Variants in MUC7 observed in about 807,000 individuals in gnomAD.
The protein encoded by MUC7 is mucin 7, secreted, also known as mucin-7.
MUC7 carries 2 observed loss-of-function variants against 2.5 expected under a neutral mutation model. The observed-to-expected ratio is 0.81, with a 90% CI of 0.33 to 2.55. The LOEUF (loss-of-function observed/expected upper bound fraction) is 2.55, where lower values mean the gene tolerates loss of function less well. MUC7 is among the 30% of genes most tolerant of loss of function. MUC7 has a pLI of 0.11. For synonymous variants in MUC7, 133 were observed against 173.4 expected (o/e 0.77, Z 1.83); for missense variants, 408 against 455.6 (o/e 0.90, Z 0.95).
At chr4:70,462,371 A>G (rs1734577212) in intron 1 of MUC7, among the ~76,000 whole-genome samples, 1 of 152,214 alleles carries the variant, frequency 6.6e-6, no homozygotes, top group Admixed American at 6.5e-5. Context: ...TTATTAAGAA[A>G]ATTTCAATGT....
chr4:70,447,614 A>C (rs1734177837), intron 1 of MUC7, among the ~76,000 whole-genome samples: 1 of 152,132 alleles, frequency 6.6e-6, no homozygotes, highest in South Asian at 2.1e-4. Flanking sequence ...AATTCTTTAC[A>C]TTAACTGATT....
chr4:70,477,673 G>C (rs1314739430), intron 2 of MUC7, among the ~76,000 whole-genome samples: 2 of 151,948 alleles, frequency 1.3e-5, no homozygotes, highest in Non-Finnish European at 2.9e-5. Flanking sequence ...TTTGCAAATG[G>C]AGAAACATTC....
intron 2 of MUC7, among the ~76,000 whole-genome samples, chr4:70,476,260 A>G (rs4694068): frequency 0.34 from 51,304 of 152,130 alleles, 9,621 homozygotes; most frequent in Admixed American, 0.43. Flanking sequence ...TTTAATAAGT[A>G]AAGTTTTAAT....
chr4:70,443,720 C>T lies in MUC7; in HGVS notation c.-93+13033C>T, dbSNP rs1417043876. Among the ~76,000 whole-genome samples the T allele has an allele frequency of 2.0e-5, 3 of 152,010 alleles. No individual in the cohort carries two copies. The East Asian group carries it at 5.8e-4, about 29-fold the overall frequency. On this transcript the variant is annotated intron_variant, in intron 1 of 3. Transcript: ENST00000413702. ...ACTAAAATAAAACAACCTACCCACT[C>T]AAAAACTCAAGCAAAAACTTATAGA...
intron 1 of MUC7, among the ~76,000 whole-genome samples, chr4:70,456,249 C>CA (rs1427435936): frequency 6.6e-6 from 1 of 152,124 alleles, no homozygotes; most frequent in African/African-American, 2.4e-5. Flanking sequence ...AACATTTACT[C>CA]AAAAAGATTA....
intron 1 of MUC7, among the ~76,000 whole-genome samples, chr4:70,440,668 A>G (rs772050085): frequency 2.6e-5 from 4 of 152,196 alleles, no homozygotes; most frequent in Non-Finnish European, 5.9e-5. Context: ...TTTGATCTAT[A>G]CAAATTTTAT....
intron 2 of MUC7, among the ~76,000 whole-genome samples, chr4:70,477,507 G>A (rs1735038144): frequency 6.6e-6 from 1 of 152,044 alleles, no homozygotes; most frequent in African/African-American, 2.4e-5. Flanking sequence ...CAGAGAATTT[G>A]GCATTCCTCT....
intron 2 of MUC7, among the ~76,000 whole-genome samples, chr4:70,478,894 G>C (rs1247266840): frequency 6.6e-6 from 1 of 152,208 alleles, no homozygotes; most frequent in South Asian, 2.1e-4. Context: ...CCTTTTAAGA[G>C]AGATTTATGG....
intron 1 of MUC7, among the ~76,000 whole-genome samples, chr4:70,435,853 C>T (rs906231079): frequency 1.3e-5 from 2 of 152,162 alleles, no homozygotes; most frequent in South Asian, 2.1e-4. Flanking sequence ...TTTTTCCTCT[C>T]CATGTTTAGT....
Position 70,474,218 on chromosome 4 carries a change from T to C in MUC7, c.54+143T>C, listed in dbSNP as rs181329752. 1,694 of 659,426 alleles carry C rather than the reference T, an allele frequency of 2.6e-3. 4 individuals are homozygous for C. Among genetic ancestry groups the C allele is most frequent in the Middle Eastern group, 3.8e-3 (10 of 2,628 alleles). 40.8% of individuals were successfully genotyped at this position (659,426 alleles called of 1,614,324 possible). A position where few individuals can be genotyped will look rare whatever the true frequency, so the allele number is the denominator to read the frequency against. ...TTTATTTCCAGGAAACCTATAAATA[T>C]GGACAATTGGCCGGTGCACTGGCTC... On this transcript the variant is annotated intron_variant, in intron 2 of 2. Transcript: ENST00000304887.
At chr4:70,453,239 G>C (rs1560549394) in intron 1 of MUC7, among the ~76,000 whole-genome samples, 1 of 152,178 alleles carries the variant, frequency 6.6e-6, no homozygotes, top group Non-Finnish European at 1.5e-5. Flanking sequence ...CAGGCCCCAG[G>C]TGGGTCCAGA....
At chr4:70,447,485 A>G (rs1243616569) in intron 1 of MUC7, among the ~76,000 whole-genome samples, 2 of 152,238 alleles carry the variant, frequency 1.3e-5, no homozygotes, top group African/African-American at 4.8e-5. Context: ...ATGATTATAT[A>G]CAATCAAGTA....
intron 1 of MUC7, among the ~76,000 whole-genome samples, chr4:70,442,043 T>C (rs1389339501): frequency 1.3e-5 from 2 of 152,110 alleles, no homozygotes; most frequent in African/African-American, 4.8e-5. Context: ...ACAAAGAAAC[T>C]AGGATTGAAA....
chr4:70,434,148 T>A (rs1220337333), intron 1 of MUC7, among the ~76,000 whole-genome samples: 1 of 152,200 alleles, frequency 6.6e-6, no homozygotes, highest in East Asian at 1.9e-4. Flanking sequence ...GATTTTTGCA[T>A]CAATGTTCAT....
At chr4:70,444,484 T>C (rs987022313) in intron 1 of MUC7, among the ~76,000 whole-genome samples, 1 of 152,162 alleles carries the variant, frequency 6.6e-6, no homozygotes, top group African/African-American at 2.4e-5. Flanking sequence ...AGTCCTCTAC[T>C]TCAGCTCTAT....
intron 1 of MUC7, among the ~76,000 whole-genome samples, chr4:70,437,313 G>A (rs569632916): frequency 6.6e-6 from 1 of 152,344 alleles, no homozygotes; most frequent in East Asian, 1.9e-4. Context: ...CCCAGAGGTG[G>A]AATCTAGAGA....
chr4:70,441,264 T>C (rs1733998111), intron 1 of MUC7, among the ~76,000 whole-genome samples: 1 of 152,172 alleles, frequency 6.6e-6, no homozygotes, highest in Non-Finnish European at 1.5e-5. Context: ...TATTATTATA[T>C]AAATATCTTA....
At chr4:70,434,030 T>C (rs999856056) in intron 1 of MUC7, among the ~76,000 whole-genome samples, 1 of 152,188 alleles carries the variant, frequency 6.6e-6, no homozygotes, top group African/African-American at 2.4e-5. Context: ...ATTACGTTTA[T>C]TGATTTATGT....
intron 2 of MUC7, among the ~76,000 whole-genome samples, chr4:70,477,519 G>T (rs979510006): frequency 1.3e-5 from 2 of 152,060 alleles, no homozygotes; most frequent in African/African-American, 4.8e-5. Context: ...CATTCCTCTA[G>T]TTATTTTAGG....
Sources: allele counts gnomAD v4.1 joint callset (sites outside exome capture counted in the v4.1 genomes callset), GRCh38; gene constraint gnomAD v4.1.1; transcripts MANE v1.5; gene names NCBI Gene and HGNC (gene_info 2026-07-23, HGNC 2026-07-21).